The following NUDCD3 variants were observed in gnomAD, a reference collection of about 807,000 sequenced individuals.
The protein encoded by NUDCD3 is nudC domain-containing protein 3.
In NUDCD3, 13 loss-of-function variants were observed where a neutral mutation model predicts 39.7. The ratio of observed to expected loss-of-function variants is 0.33; its 90% CI spans 0.21 to 0.52. The LOEUF is 0.52. NUDCD3 is among the 20% of genes least tolerant of loss of function. NUDCD3 has a pLI of 0.96. For synonymous variants in NUDCD3, 175 were observed against 172.4 expected, an observed-to-expected ratio of 1.02 and a Z score of -0.12; for missense variants, 453 against 458.1, an observed-to-expected ratio of 0.99 and a Z score of 0.10.
At chr7:44,449,797 T>C (rs1448641472) in intron 2 of NUDCD3, among the ~76,000 whole-genome samples, 2 of 151,662 alleles carry the variant, frequency 1.3e-5, no homozygotes, top group Non-Finnish European at 2.9e-5. Flanking sequence ...AGAAAATCTT[T>C]GTGACTTTGA....
chr7:44,435,836 C>T (rs1799453665), intron 2 of NUDCD3, among the ~76,000 whole-genome samples: 1 of 152,174 alleles, frequency 6.6e-6, no homozygotes, highest in South Asian at 2.1e-4. Context: ...GGTACCCCTG[C>T]CCCCAACACA....
At position 44,427,564 on chromosome 7, in the gene NUDCD3, C is replaced by T. The variant is rs2116902258; in HGVS notation, c.642+7G>A. ...AGCCGCCCACCCCTACCCGCCAAGG[C>T]CATTACCTGCTTTCCCTTCACCACG... is the stretch of plus-strand genomic sequence containing the variant. On this transcript the variant is annotated splice_region_variant and intron_variant, in intron 3 of 5. Coordinates refer to ENST00000355451, the MANE Select transcript of NUDCD3 (RefSeq NM_015332.4). 1 of 1,611,648 alleles carries T rather than the reference C, an allele frequency of 6.2e-7. No individual in the cohort carries two copies. The highest frequency in any genetic ancestry group is 1.7e-4 in the Middle Eastern group (1 of 6,020).
At chr7:44,467,860 T>C in intron 2 of NUDCD3, 2 of 1,454,440 alleles carry the variant, frequency 1.4e-6, no homozygotes, top group Non-Finnish European at 9.5e-7. Context: ...TCCTCGGCGC[T>C]GCCTACGGAG....
chr7:44,412,707 C>T (rs1317387441), intron 3 of NUDCD3, among the ~76,000 whole-genome samples: 1 of 151,476 alleles, frequency 6.6e-6, no homozygotes, highest in Non-Finnish European at 1.5e-5. Context: ...GCAGGTGGAT[C>T]ATGAGGTCAG....
At chr7:44,454,728 A>C (rs1799860593) in intron 2 of NUDCD3, among the ~76,000 whole-genome samples, 1 of 152,060 alleles carries the variant, frequency 6.6e-6, no homozygotes, top group African/African-American at 2.4e-5. Flanking sequence ...GGAGTTCAAA[A>C]CCAGCCTGGG....
chr7:44,427,449 G>A (rs950004783), intron 3 of NUDCD3, 122 bp downstream of exon 3: 21 of 1,089,944 alleles, frequency 1.9e-5, no homozygotes, highest in Non-Finnish European at 2.4e-5. Context: ...GCAGGAGAAG[G>A]AACACACCTC....
chr7:44,488,117 ACAAGGT>A (rs1800652127), intron 1 of NUDCD3, among the ~76,000 whole-genome samples: 1 of 152,064 alleles, frequency 6.6e-6, no homozygotes, highest in Admixed American at 6.6e-5. Context: ...CAGGCAGAAC[ACAAGGT>A]CAGGAGTTTG....
At chr7:44,396,399 T>C (rs1344000514) in intron 4 of NUDCD3, among the ~76,000 whole-genome samples, 1 of 152,228 alleles carries the variant, frequency 6.6e-6, no homozygotes, top group Non-Finnish European at 1.5e-5. Flanking sequence ...ATATCTTCTA[T>C]TTTTAAGGAT....
At chr7:44,403,444 C>G (rs1798759038) in intron 4 of NUDCD3, among the ~76,000 whole-genome samples, 1 of 152,244 alleles carries the variant, frequency 6.6e-6, no homozygotes, top group African/African-American at 2.4e-5. Context: ...CTCTGTGTAG[C>G]CAGAGTGAGC....
chr7:44,487,358 T>C (rs1800632121), intron 1 of NUDCD3, among the ~76,000 whole-genome samples: 2 of 151,898 alleles, frequency 1.3e-5, no homozygotes, highest in East Asian at 1.9e-4. Flanking sequence ...CCATCCAAAT[T>C]CTTCTCTGCC....
intron 3 of NUDCD3, among the ~76,000 whole-genome samples, chr7:44,421,487 C>CA (rs35044732): frequency 0.57 from 63,090 of 111,248 alleles, 17,433 homozygotes; most frequent in East Asian, 0.91. Context: ...AAATGGAAAG[C>CA]AAAAAAAAAA....
At chr7:44,478,846 T>A (rs1800433703) in intron 2 of NUDCD3, among the ~76,000 whole-genome samples, 2 of 152,212 alleles carry the variant, frequency 1.3e-5, no homozygotes, top group South Asian at 4.1e-4. Context: ...GTTGCCAGGA[T>A]CTGGGAGTCT....
intron 3 of NUDCD3, among the ~76,000 whole-genome samples, chr7:44,423,720 A>G (rs1393147828): frequency 6.6e-6 from 1 of 152,184 alleles, no homozygotes; most frequent in Non-Finnish European, 1.5e-5. Context: ...ATACTGCCCA[A>G]AGTAATTTAT....
chr7:44,454,407 A>G (rs1328105274), intron 2 of NUDCD3, among the ~76,000 whole-genome samples: 1 of 152,296 alleles, frequency 6.6e-6, no homozygotes, highest in African/African-American at 2.4e-5. Context: ...GAATAGAATG[A>G]TCTCCTGGTC....
rs577992201 is a variant in NUDCD3 at position 44,457,027 on chromosome 7, TA to T, written c.509+27940del. Reference sequence around the variant, plus strand: ...ACTATTTACCCAGATATAACCTGGTTAAAAAAAAAAAAACCTAAAATTCACA... The same window carrying T: ...ACTATTTACCCAGATATAACCTGGTTAAAAAAAAAAAACCTAAAATTCACA... On this transcript the variant is annotated intron_variant, in intron 2 of 5. Coordinates refer to ENST00000355451, the MANE Select transcript of NUDCD3 (RefSeq NM_015332.4). 1.7e-3 allele frequency among the ~76,000 whole-genome samples: 238 copies of T among 142,356 alleles called. 1 individual carries two copies. The highest frequency in any genetic ancestry group is 0.011 in the South Asian group (47 of 4,468). 93.4% of individuals were successfully genotyped at this position (142,356 alleles called of 152,430 possible).
chr7:44,482,552 T>C (rs984387182), intron 2 of NUDCD3, among the ~76,000 whole-genome samples: 4 of 152,144 alleles, frequency 2.6e-5, no homozygotes, highest in African/African-American at 4.8e-5. Flanking sequence ...ACTCCATCTC[T>C]ACAATCAATT....
chr7:44,396,088 TGTGTG>T, intron 4 of NUDCD3, among the ~76,000 whole-genome samples: 1 of 29,186 alleles, frequency 3.4e-5, no homozygotes, highest in Middle Eastern at 0.01. Flanking sequence ...TATCTTCTGT[TGTGTG>T]TGTGTGTGTG....
intron 1 of NUDCD3, among the ~76,000 whole-genome samples, chr7:44,489,046 G>A (rs1800676967): frequency 2.0e-5 from 3 of 152,150 alleles, no homozygotes. Context: ...ATCCTACTAT[G>A]GAATGGTTAA....
intron 2 of NUDCD3, among the ~76,000 whole-genome samples, chr7:44,465,163 A>G (rs1800094432): frequency 6.6e-6 from 1 of 152,198 alleles, no homozygotes; most frequent in Non-Finnish European, 1.5e-5. Flanking sequence ...AATTTCCTTA[A>G]TCTTAATGTT....
Sources: allele counts gnomAD v4.1 joint callset (sites outside exome capture counted in the v4.1 genomes callset), GRCh38; gene constraint gnomAD v4.1.1; transcripts MANE v1.5; gene names NCBI Gene and HGNC (gene_info 2026-07-23, HGNC 2026-07-21).